SPATA16: variants seen among roughly 807,000 people sequenced by gnomAD.
SPATA16 encodes the protein spermatogenesis associated 16, also known as spermatogenesis-associated protein 16.
In SPATA16, 36 loss-of-function variants were observed where a neutral mutation model predicts 63.3. The observed-to-expected ratio is 0.57, with a 90% CI of 0.44 to 0.75. The LOEUF is 0.75. Ranked by LOEUF, SPATA16 falls within the 30% of genes least tolerant of loss-of-function variation. The pLI is 0.00. For synonymous variants in SPATA16, 203 were observed against 216.7 expected (o/e 0.94, Z 0.56); for missense variants, 646 against 679.3 (o/e 0.95, Z 0.54).
At chr3:172,939,074 G>A (rs543406134) in intron 6 of SPATA16, among the ~76,000 whole-genome samples, 4 of 152,088 alleles carry the variant, frequency 2.6e-5, no homozygotes, top group East Asian at 1.9e-4. Context: ...GGGAGCCCCC[G>A]CTTCAAGATA....
intron 1 of SPATA16, among the ~76,000 whole-genome samples, chr3:173,120,041 C>T (rs1296197686): frequency 3.3e-5 from 5 of 150,348 alleles, no homozygotes; most frequent in South Asian, 4.2e-4. Flanking sequence ...GCGCCAAGAT[C>T]GTGTCATTGC....
At chr3:173,072,749 C>T (rs950449787) in intron 2 of SPATA16, among the ~76,000 whole-genome samples, 18 of 152,132 alleles carry the variant, frequency 1.2e-4, no homozygotes, top group African/African-American at 4.1e-4. Flanking sequence ...TGGACTAATA[C>T]AGTAAATTGG....
chr3:172,977,112 C>T, intron 4 of SPATA16, 60 bp from the exon 5 acceptor site: 1 of 1,326,060 alleles, frequency 7.5e-7, no homozygotes, highest in Non-Finnish European at 1.1e-6. Context: ...AGAAGGAAAA[C>T]CATAACAGGC....
At chr3:172,965,443 G>A (rs528635260) in intron 5 of SPATA16, among the ~76,000 whole-genome samples, 2 of 152,220 alleles carry the variant, frequency 1.3e-5, no homozygotes, top group Admixed American at 1.3e-4. Flanking sequence ...TTGGAAGCTC[G>A]TAGCTCATGA....
chr3:173,000,790 C>G (rs1734803465), intron 4 of SPATA16, among the ~76,000 whole-genome samples: 2 of 151,214 alleles, frequency 1.3e-5, no homozygotes, highest in Non-Finnish European at 2.9e-5. Context: ...CTCAGAGATT[C>G]TTTCTTTGGT....
At chr3:172,995,598 A>G (rs986092183) in intron 4 of SPATA16, among the ~76,000 whole-genome samples, 1 of 152,122 alleles carries the variant, frequency 6.6e-6, no homozygotes, top group Non-Finnish European at 1.5e-5. Context: ...AGGCTAGGAG[A>G]GAAAGCTGAT....
rs1737068102 is a variant in SPATA16, at chr3:173,086,790, A to ATTT, written c.612+30327_612+30329dup. ...TCTTAATTTCTGCCTTAATTTCATTATTTAAGAAGTCATTCAGGAGCAGGT... is the reference window on the plus strand; with the variant it reads ...TCTTAATTTCTGCCTTAATTTCATTATTTTTTAAGAAGTCATTCAGGAGCAGGT... On this transcript the variant is annotated intron_variant, in intron 2 of 10. Transcript: ENST00000351008. 5.3e-5 allele frequency among the ~76,000 whole-genome samples: 8 copies of ATTT among 152,250 alleles called. No individual in the cohort carries two copies. In the South Asian group the frequency reaches 1.7e-3, roughly 32 times the overall value.
chr3:173,047,514 G>A (rs1227317343), intron 3 of SPATA16, among the ~76,000 whole-genome samples: 1 of 151,786 alleles, frequency 6.6e-6, no homozygotes, highest in African/African-American at 2.4e-5. Flanking sequence ...TCTATAAATA[G>A]CTTTCAAATG....
At chr3:173,090,263 C>A (rs984343022) in intron 2 of SPATA16, among the ~76,000 whole-genome samples, 1 of 152,110 alleles carries the variant, frequency 6.6e-6, no homozygotes, top group Admixed American at 6.6e-5. Context: ...CTCCCTCACC[C>A]CACCCTACTC....
chr3:172,915,145 G>A (rs1392126496), intron 9 of SPATA16, among the ~76,000 whole-genome samples: 1 of 152,108 alleles, frequency 6.6e-6, no homozygotes, highest in African/African-American at 2.4e-5. Context: ...TAACCTTTTA[G>A]AAGGTGTTCT....
intron 2 of SPATA16, among the ~76,000 whole-genome samples, chr3:173,111,689 T>C (rs1309261086): frequency 6.6e-6 from 1 of 152,162 alleles, no homozygotes; most frequent in Non-Finnish European, 1.5e-5. Flanking sequence ...TGCCCTATAA[T>C]GAGATATCTT....
intron 10 of SPATA16, among the ~76,000 whole-genome samples, chr3:172,913,160 C>T (rs1254823509): frequency 3.3e-5 from 5 of 152,138 alleles, no homozygotes; most frequent in Admixed American, 6.6e-5. Context: ...AGGTGCATCT[C>T]GGCACTTCCT....
intron 8 of SPATA16, among the ~76,000 whole-genome samples, chr3:172,918,233 TTC>T (rs1189747144): frequency 6.6e-6 from 1 of 152,224 alleles, no homozygotes; most frequent in Non-Finnish European, 1.5e-5. Flanking sequence ...TTCTTTGTCC[TTC>T]TTTAAAATAA....
intron 3 of SPATA16, among the ~76,000 whole-genome samples, chr3:173,028,916 G>C (rs535538211): frequency 1.9e-3 from 284 of 152,104 alleles, no homozygotes; most frequent in Non-Finnish European, 3.6e-3. Flanking sequence ...AATATGGAAT[G>C]AAATAAATAT....
chr3:173,015,320 T>C (rs1456795783), intron 4 of SPATA16, among the ~76,000 whole-genome samples: 4 of 152,198 alleles, frequency 2.6e-5, no homozygotes, highest in African/African-American at 9.6e-5. Flanking sequence ...CACCTTGGCC[T>C]CCCAAAGTGC....
intron 4 of SPATA16, among the ~76,000 whole-genome samples, chr3:173,007,673 T>C (rs1206626154): frequency 1.3e-5 from 2 of 152,180 alleles, no homozygotes; most frequent in Middle Eastern, 3.2e-3. Context: ...TGTTATATGA[T>C]ATTAAATAAG....
At chr3:173,068,364 TAGA>T (rs1361839851) in intron 2 of SPATA16, among the ~76,000 whole-genome samples, 6 of 152,184 alleles carry the variant, frequency 3.9e-5, no homozygotes, top group African/African-American at 1.4e-4. Flanking sequence ...GGTTGAAGTG[TAGA>T]AGTTTGTAGT....
At chr3:173,049,117 A>G in intron 2 of SPATA16, 23 bp from the exon 3 acceptor site, 8 of 1,591,984 alleles carry the variant, frequency 5.0e-6, no homozygotes, top group Non-Finnish European at 6.0e-6. Flanking sequence ...TAGTACTTTC[A>G]ACATCTTAAT....
chr3:172,999,713 C>A (rs1250469299), intron 4 of SPATA16, among the ~76,000 whole-genome samples: 1 of 152,132 alleles, frequency 6.6e-6, no homozygotes, highest in African/African-American at 2.4e-5. Context: ...TGCGCCTGGC[C>A]CCCTATTTCA....
Sources: allele counts gnomAD v4.1 joint callset (sites outside exome capture counted in the v4.1 genomes callset), GRCh38; gene constraint gnomAD v4.1.1; transcripts MANE v1.5; gene names NCBI Gene and HGNC (gene_info 2026-07-23, HGNC 2026-07-21).